RAP1GDS1: variants seen among roughly 807,000 people sequenced by gnomAD.
The protein encoded by RAP1GDS1 is RAP1, GTP-GDP dissociation stimulator 1.
A neutral mutation model predicts 71.1 loss-of-function variants in RAP1GDS1; 35 were observed. That is an observed-to-expected ratio of 0.49 (90% CI 0.38 to 0.65). The LOEUF is 0.65. Ranked by LOEUF, RAP1GDS1 falls within the 30% of genes least tolerant of loss-of-function variation. The probability of loss-of-function intolerance (pLI) is 0.00; values close to 1 mark genes in which losing one functional copy is unlikely to be tolerated. For synonymous variants in RAP1GDS1, 229 were observed against 243.1 expected (o/e 0.94, Z 0.54); for missense variants, 663 against 706.1 (o/e 0.94, Z 0.69).
Position 98,318,134 on chromosome 4 carries a change from C to T in RAP1GDS1, c.112+24619C>T, listed in dbSNP as rs570902574. On this transcript the variant is annotated intron_variant, in intron 2 of 14. Transcript: ENST00000408927. ...TTGGGATTACAGGCGTGAGCCACCG[C>T]GTCCAGTGATATCTGACTATATTCT... 5.3e-5 allele frequency among the ~76,000 whole-genome samples: 8 copies of T among 152,136 alleles called. No homozygotes were observed. In the South Asian group the frequency reaches 8.3e-4, roughly 16 times the overall value.
At chr4:98,441,787 TA>T (rs1195274917) in intron 14 of RAP1GDS1, 64 of 562,184 alleles carry the variant, frequency 1.1e-4, no homozygotes, top group Non-Finnish European at 1.3e-4. Flanking sequence ...TCCTTTAATT[TA>T]AAAAAAAGTA....
At chr4:98,287,957 A>G (rs1470909919) in intron 1 of RAP1GDS1, among the ~76,000 whole-genome samples, 1 of 152,152 alleles carries the variant, frequency 6.6e-6, no homozygotes. Flanking sequence ...TTTTATTGGG[A>G]CCAAGTAATA....
chr4:98,407,979 AAGAG>A (rs1188892334), intron 7 of RAP1GDS1, among the ~76,000 whole-genome samples: 3 of 152,146 alleles, frequency 2.0e-5, no homozygotes, highest in Non-Finnish European at 2.9e-5. Flanking sequence ...TAATGATGAA[AAGAG>A]AGAGAAAGCA....
intron 6 of RAP1GDS1, among the ~76,000 whole-genome samples, chr4:98,403,755 T>A (rs1745751696): frequency 6.6e-6 from 1 of 152,054 alleles, no homozygotes; most frequent in Non-Finnish European, 1.5e-5. Flanking sequence ...ACAGGTCTTG[T>A]GGAAAAGGAG....
Position 98,411,384 on chromosome 4 carries a change from G to A in RAP1GDS1, c.764-5361G>A, listed in dbSNP as rs578017649. Among the ~76,000 whole-genome samples, 7 of 152,322 alleles carry A rather than the reference G, an allele frequency of 4.6e-5. No individual in the cohort carries two copies. In the South Asian group the frequency reaches 1.2e-3, roughly 27 times the overall value. ...TAATTCCAGCACTTTCAGAGGCCAA[G>A]GCAGAAGGATTGCTTGAGCCAGGAG... On this transcript the variant is annotated intron_variant, in intron 7 of 14. Coordinates refer to ENST00000408927, the MANE Select transcript of RAP1GDS1 (RefSeq NM_001100427.2).
chr4:98,348,387 TC>T (rs1382581562), intron 3 of RAP1GDS1, among the ~76,000 whole-genome samples: 2 of 152,214 alleles, frequency 1.3e-5, no homozygotes, highest in African/African-American at 4.8e-5. Flanking sequence ...TTGGGTTGGT[TC>T]CAAGTTTTTG....
At chr4:98,350,249 A>C (rs1227323936) in intron 3 of RAP1GDS1, among the ~76,000 whole-genome samples, 1 of 152,242 alleles carries the variant, frequency 6.6e-6, no homozygotes, top group Non-Finnish European at 1.5e-5. Context: ...CAAAATAATA[A>C]GATAAACAAG....
chr4:98,378,041 A>T (rs1033026194), intron 4 of RAP1GDS1, among the ~76,000 whole-genome samples: 1 of 151,910 alleles, frequency 6.6e-6, no homozygotes, highest in Admixed American at 6.6e-5. Flanking sequence ...ATAAAATATT[A>T]CTAAAATTAA....
At chr4:98,320,163 G>A (rs1731589085) in intron 2 of RAP1GDS1, among the ~76,000 whole-genome samples, 1 of 152,178 alleles carries the variant, frequency 6.6e-6, no homozygotes, top group Admixed American at 6.5e-5. Flanking sequence ...AAGGCTTCTG[G>A]TCAGCAATAG....
chr4:98,386,708 GTAAT>G (rs1280869418), intron 5 of RAP1GDS1, among the ~76,000 whole-genome samples: 1 of 151,686 alleles, frequency 6.6e-6, no homozygotes, highest in Non-Finnish European at 1.5e-5. Flanking sequence ...ACACATGTAA[GTAAT>G]CTAGTTTTTA....
chr4:98,402,626 A>G (rs997319475), intron 6 of RAP1GDS1, among the ~76,000 whole-genome samples: 2 of 152,220 alleles, frequency 1.3e-5, no homozygotes, highest in Admixed American at 1.3e-4. Flanking sequence ...TAAAATGTTG[A>G]TCAAAACTGT....
chr4:98,372,695 A>T (rs183671522), intron 4 of RAP1GDS1, among the ~76,000 whole-genome samples: 2 of 152,194 alleles, frequency 1.3e-5, no homozygotes, highest in Admixed American at 1.3e-4. Context: ...ATTTTTACTT[A>T]AAAATTTGAG....
chr4:98,261,668 TC>T, intron 1 of RAP1GDS1, 99 bp downstream of exon 1: 4 of 1,422,576 alleles, frequency 2.8e-6, no homozygotes, highest in Non-Finnish European at 3.9e-6. Context: ...GCCGGATTTC[TC>T]CAGTCCCCGG....
At chr4:98,409,792 G>C in intron 7 of RAP1GDS1, 1 of 377,946 alleles carries the variant, frequency 2.6e-6, no homozygotes, top group Non-Finnish European at 5.2e-6. Context: ...AAGGCTTCTA[G>C]ACTATTAAAA....
intron 4 of RAP1GDS1, among the ~76,000 whole-genome samples, chr4:98,371,494 T>A (rs1000797434): frequency 1.1e-4 from 16 of 152,028 alleles, no homozygotes; most frequent in African/African-American, 3.9e-4. Context: ...TTTTATTTTT[T>A]TAGATGGAGT....
chr4:98,276,980 T>C (rs1401166045), intron 1 of RAP1GDS1, among the ~76,000 whole-genome samples: 3 of 152,138 alleles, frequency 2.0e-5, no homozygotes, highest in Non-Finnish European at 4.4e-5. Flanking sequence ...GTAAGACCTG[T>C]CAAGAGACAG....
At chr4:98,437,962 T>G (rs1318958088) in intron 14 of RAP1GDS1, among the ~76,000 whole-genome samples, 1 of 152,176 alleles carries the variant, frequency 6.6e-6, no homozygotes, top group Non-Finnish European at 1.5e-5. Flanking sequence ...GTGTCAAGTT[T>G]CCTTTATTCT....
chr4:98,284,688 T>C (rs1240625411), intron 1 of RAP1GDS1, among the ~76,000 whole-genome samples: 1 of 152,156 alleles, frequency 6.6e-6, no homozygotes, highest in African/African-American at 2.4e-5. Flanking sequence ...CATGTGACTT[T>C]CCTAGCTTAG....
At chr4:98,289,278 G>A (rs1726537170) in intron 1 of RAP1GDS1, among the ~76,000 whole-genome samples, 1 of 152,078 alleles carries the variant, frequency 6.6e-6, no homozygotes, top group Admixed American at 6.6e-5. Flanking sequence ...AGAAAAGGAA[G>A]GTTCCTCTGA....
Sources: gnomAD v4.1 joint callset for allele counts (sites outside exome capture counted in the v4.1 genomes callset) on GRCh38, gnomAD v4.1.1 for gene constraint, MANE v1.5 for transcripts, NCBI Gene and HGNC (gene_info 2026-07-23, HGNC 2026-07-21) for gene names.